N4BP2L1: variants seen among roughly 807,000 people sequenced by gnomAD.
The protein encoded by N4BP2L1 is NEDD4 binding protein 2 like 1, also known as NEDD4-binding protein 2-like 1.
Under a neutral mutation model 21.2 loss-of-function variants are expected in N4BP2L1, and 12 were observed. The observed-to-expected ratio is 0.57, with a 90% CI of 0.36 to 0.92. The LOEUF (loss-of-function observed/expected upper bound fraction) is 0.92. N4BP2L1 is among the 40% of genes least tolerant of loss of function. The probability of loss-of-function intolerance (pLI) is 0.01; values close to 1 mark genes in which losing one functional copy is unlikely to be tolerated. For missense variants in N4BP2L1, 259 were observed against 310.6 expected (o/e 0.83, Z 1.25); for synonymous variants, 104 against 112.8 (o/e 0.92, Z 0.49).
chr13:32,419,412 ATTTTTTTTTTTTTTTTTTTTTTTT>A (rs71071039), intron 1 of N4BP2L1: 43 of 284,696 alleles, frequency 1.5e-4, no homozygotes, highest in Middle Eastern at 1.4e-3. Flanking sequence ...TGCTTGGCTA[ATTTTTTTTTTTTTTTTTTTTTTTT>A]TTTTTTTTTT....
chr13:32,419,412 A>ATTTT lies in N4BP2L1; in HGVS notation c.179+8488_179+8491dup, dbSNP rs71071039. 2,415 of 284,372 alleles carry ATTTT rather than the reference A, an allele frequency of 8.5e-3. 31 individuals carry two copies. Among genetic ancestry groups the ATTTT allele is most frequent in the Non-Finnish European group, 1.0e-2 (1,578 of 158,528 alleles). 17.6% of individuals were successfully genotyped at this position (284,372 alleles called of 1,614,324 possible). A position where few individuals can be genotyped will look rare whatever the true frequency, so the allele number is the denominator to read the frequency against. On this transcript the variant is annotated intron_variant, in intron 1 of 4. Coordinates refer to ENST00000380130, the MANE Select transcript of N4BP2L1 (RefSeq NM_052818.3). ...GGGTGCTTGCCACCATGCTTGGCTA[A>ATTTT]TTTTTTTTTTTTTTTTTTTTTTTTT...
At chr13:32,415,926 C>T (rs1385360351) in intron 1 of N4BP2L1, 2 of 152,174 alleles carry the variant, frequency 1.3e-5, no homozygotes, top group Admixed American at 6.6e-5. Flanking sequence ...AATTAACATA[C>T]GGTTTCCTTA....
chr13:32,404,086 C>T (rs1283684019), intron 4 of N4BP2L1: 24 of 1,423,576 alleles, frequency 1.7e-5, no homozygotes, highest in South Asian at 4.0e-5. Context: ...TTAAATGCAT[C>T]CTTTTAAAGG....
At chr13:32,407,039 TTGTATC>T (rs1368949697) in intron 3 of N4BP2L1, 4 of 571,538 alleles carry the variant, frequency 7.0e-6, no homozygotes, top group Non-Finnish European at 9.3e-6. Context: ...TATTTTTAAA[TTGTATC>T]CTCAAGTGAG....
In N4BP2L1 at chr13:32,405,799, G is replaced by T. The variant is rs151203258; in HGVS notation, c.397-1402C>A. Among the ~76,000 whole-genome samples, 4 of 151,618 alleles carry T rather than the reference G, an allele frequency of 2.6e-5. No homozygotes were observed. The South Asian group carries it at 8.3e-4, about 32-fold the overall frequency. On this transcript the variant is annotated intron_variant, in intron 3 of 4. Coordinates refer to ENST00000380130, the MANE Select transcript of N4BP2L1 (RefSeq NM_052818.3). ...CAGATGTAAAAAGAAGCCTAAAATC[G>T]TGAGCCCAGTCTGGACCTATTCACT...
intron 1 of N4BP2L1, 123 bp from the exon 2 acceptor site, chr13:32,407,895 T>G: frequency 8.9e-7 from 1 of 1,126,388 alleles, no homozygotes; most frequent in Non-Finnish European, 1.3e-6. Context: ...GGTTTGGAGT[T>G]GTTAAAATGC....
intron 1 of N4BP2L1, among the ~76,000 whole-genome samples, chr13:32,422,718 A>G (rs570623076): frequency 6.6e-6 from 1 of 152,310 alleles, no homozygotes; most frequent in Non-Finnish European, 1.5e-5. Flanking sequence ...CTCTTTGTTA[A>G]ACAGATACAG....
Position 32,401,422 on chromosome 13 carries a change from G to A in N4BP2L1, c.*1520C>T, listed in dbSNP as rs1383751753. The A allele has an allele frequency of 1.3e-5, 2 of 152,172 alleles. No individual in the cohort carries two copies. Among genetic ancestry groups the A allele is most frequent in the South Asian group, 2.1e-4 (1 of 4,830 alleles). The allele number at this position is 152,172 out of a possible 1,614,324, so 9.4% of individuals were successfully genotyped here. ...CTATTGTCAGCCAAACTTACTCAAA[G>A]GAGATACCAGTTTTTAAAATGTTAG... On this transcript the variant is annotated 3_prime_UTR_variant, in exon 5 of 5. Transcript: ENST00000380130.
rs1215803998 is a variant in N4BP2L1, at chr13:32,427,893, G to T, written c.179+11C>A. The T allele has an allele frequency of 1.4e-6, 2 of 1,467,382 alleles. No homozygotes were observed. The highest frequency in any genetic ancestry group is 9.0e-7 in the Non-Finnish European group (1 of 1,107,794). The allele number at this position is 1,467,382 out of a possible 1,614,324, so 90.9% of individuals were successfully genotyped here. ...GGGCCCGTGCACCGGCGCCCAGACC[G>T]CTGTCATTACCTGGCCAGTGTAGTT... On this transcript the variant is annotated intron_variant, in intron 1 of 4. Coordinates refer to ENST00000380130, the MANE Select transcript of N4BP2L1 (RefSeq NM_052818.3).
intron 1 of N4BP2L1, among the ~76,000 whole-genome samples, chr13:32,416,182 T>C (rs2074127957): frequency 6.6e-6 from 1 of 152,266 alleles, no homozygotes; most frequent in South Asian, 2.1e-4. Context: ...ATAATAAATA[T>C]AGCCAATGTT....
intron 1 of N4BP2L1, among the ~76,000 whole-genome samples, chr13:32,423,032 T>G (rs1359160235): frequency 1.3e-5 from 2 of 152,168 alleles, no homozygotes; most frequent in Non-Finnish European, 1.5e-5. Flanking sequence ...AGGAGCACTG[T>G]GGAGCAGAGT....
chr13:32,424,060 G>A (rs2074631720), intron 1 of N4BP2L1, among the ~76,000 whole-genome samples: 1 of 152,214 alleles, frequency 6.6e-6, no homozygotes, highest in South Asian at 2.1e-4. Flanking sequence ...AGCTGTGAAA[G>A]AGAGAGTTCT....
intron 1 of N4BP2L1, among the ~76,000 whole-genome samples, chr13:32,408,086 C>T (rs2073634269): frequency 1.3e-5 from 2 of 152,192 alleles, no homozygotes; most frequent in South Asian, 4.1e-4. Context: ...AAGTCGCAGG[C>T]CTGGTGACTG....
At position 32,415,586 on chromosome 13, in the gene N4BP2L1, C is replaced by T. The variant is rs529317360; in HGVS notation, c.180-7814G>A. Among the ~76,000 whole-genome samples the T allele has an allele frequency of 5.9e-5, 9 of 152,238 alleles. No individual in the cohort carries two copies. The South Asian group carries it at 1.9e-3, about 32-fold the overall frequency. ...ATATACTTTAAAATTCTAACACTTACTTTAGATTCTTTTATATATCATTTA... is the reference window on the plus strand; with the variant it reads ...ATATACTTTAAAATTCTAACACTTATTTTAGATTCTTTTATATATCATTTA... On this transcript the variant is annotated intron_variant, in intron 1 of 4. Transcript: ENST00000380130.
In N4BP2L1 at chr13:32,402,659, TA is replaced by T. The variant is rs1200100506; in HGVS notation, c.*282del. On this transcript the variant is annotated 3_prime_UTR_variant, in exon 5 of 5. Transcript: ENST00000380130. ...ACTTTATTTCATCTATGAACCTATG[TA>T]AATATATTCTTGGGTGTGTTCTCAA... 8.5e-7 allele frequency: 1 copy of T among 1,176,892 alleles called. No homozygotes were observed. Among genetic ancestry groups the T allele is most frequent in the Admixed American group, 4.1e-5 (1 of 24,116 alleles). 72.9% of individuals were successfully genotyped at this position (1,176,892 alleles called of 1,614,324 possible).
Position 32,403,214 on chromosome 13 carries a change from A to G in N4BP2L1, c.474-14T>C. ...TGAATGTTTCTTCTACATGGAAAAAAAATGCATTTAGTTAAGGCAGGATAC... is the reference window on the plus strand; with the variant it reads ...TGAATGTTTCTTCTACATGGAAAAAGAATGCATTTAGTTAAGGCAGGATAC... On this transcript the variant is annotated splice_polypyrimidine_tract_variant and intron_variant, in intron 4 of 4. Transcript: ENST00000380130. 1 of 1,577,988 alleles carries G rather than the reference A, an allele frequency of 6.3e-7. No homozygotes were observed. Among genetic ancestry groups the G allele is most frequent in the Non-Finnish European group, 8.6e-7 (1 of 1,162,120 alleles).
intron 1 of N4BP2L1, among the ~76,000 whole-genome samples, chr13:32,416,966 G>T (rs907684751): frequency 6.6e-6 from 1 of 151,976 alleles, no homozygotes; most frequent in African/African-American, 2.4e-5. Flanking sequence ...ACAGGCGCGT[G>T]CCACCACCCC....
chr13:32,405,500 ACT>A (rs775757602), intron 3 of N4BP2L1, among the ~76,000 whole-genome samples: 5 of 151,880 alleles, frequency 3.3e-5, no homozygotes, highest in African/African-American at 7.3e-5. Context: ...ACAGAGCGAG[ACT>A]CTCTCTCTAA....
At chr13:32,411,456 T>C (rs2073853881) in intron 1 of N4BP2L1, 1 of 918,770 alleles carries the variant, frequency 1.1e-6, no homozygotes, top group Non-Finnish European at 1.3e-6. Flanking sequence ...ATAAAAACTC[T>C]ACTAGCTAAA....
Sources: allele counts gnomAD v4.1 joint callset (sites outside exome capture counted in the v4.1 genomes callset), GRCh38; gene constraint gnomAD v4.1.1; transcripts MANE v1.5; gene names NCBI Gene and HGNC (gene_info 2026-07-23, HGNC 2026-07-21).